The following CEP85 variants were observed in gnomAD, a reference collection of about 807,000 sequenced individuals.
CEP85 encodes centrosomal protein of 85 kDa.
Under a neutral mutation model 93.7 loss-of-function variants are expected in CEP85, and 58 were observed. The observed-to-expected ratio is 0.62, with a 90% CI of 0.50 to 0.77. CEP85 has a LOEUF of 0.77. Ranked by LOEUF, CEP85 falls within the 30% of genes least tolerant of loss-of-function variation. CEP85 has a pLI of 0.00. For missense variants in CEP85, 868 were observed against 922.0 expected (o/e 0.94, Z 0.76); for synonymous variants, 314 against 338.6 (o/e 0.93, Z 0.80).
At chr1:26,241,284 C>T (rs571340621) in intron 2 of CEP85, among the ~76,000 whole-genome samples, 1 of 130,570 alleles carries the variant, frequency 7.7e-6, no homozygotes, top group East Asian at 2.1e-4. Flanking sequence ...GCTCTGTCAC[C>T]CAGGCTAGAG....
intron 12 of CEP85, among the ~76,000 whole-genome samples, chr1:26,275,696 C>G (rs572565714): frequency 3.9e-5 from 6 of 152,286 alleles, no homozygotes; most frequent in African/African-American, 1.4e-4. Flanking sequence ...CCTTCATGCA[C>G]TAAACAGAGC....
chr1:26,256,005 G>T (rs894695022), intron 4 of CEP85, 140 bp downstream of exon 4: 3 of 741,650 alleles, frequency 4.0e-6, no homozygotes. Context: ...ATACAGGCTT[G>T]TGAGCTGTTG....
intron 7 of CEP85, among the ~76,000 whole-genome samples, chr1:26,261,895 G>C (rs1306332754): frequency 1.3e-5 from 2 of 152,104 alleles, no homozygotes; most frequent in African/African-American, 2.4e-5. Context: ...TACTGGCCAG[G>C]CATGGTGGCT....
Position 26,258,448 on chromosome 1 carries a change from A to G in CEP85, c.1155+188A>G, listed in dbSNP as rs2089754970. Among the ~76,000 whole-genome samples the G allele has an allele frequency of 3.3e-5, 5 of 152,164 alleles. No homozygotes were observed. The South Asian group carries it at 1.0e-3, about 32-fold the overall frequency. On this transcript the variant is annotated intron_variant, in intron 6 of 13. Coordinates refer to ENST00000451429, the MANE Select transcript of CEP85 (RefSeq NM_001319944.2). ...CTTGTGGGAGCAGAAAAGGCTAAGA[A>G]CCAGGTGAAAGTCCAGATGCCTGGG... is the stretch of plus-strand genomic sequence containing the variant.
chr1:26,238,549 T>TA (rs2089368234), intron 1 of CEP85, among the ~76,000 whole-genome samples: 1 of 152,200 alleles, frequency 6.6e-6, no homozygotes, highest in African/African-American at 2.4e-5. Flanking sequence ...TCTGAGTTGA[T>TA]ACTCCTTGAT....
chr1:26,241,328 C>T lies in CEP85; in HGVS notation c.55+1490C>T, dbSNP rs550791388. ...CGTGATCTCGGCTCACTACAAGCTCCGCTTCCCGGGTTCATGCCATTCTCC... is the reference window on the plus strand; with the variant it reads ...CGTGATCTCGGCTCACTACAAGCTCTGCTTCCCGGGTTCATGCCATTCTCC... On this transcript the variant is annotated intron_variant, in intron 2 of 13. Transcript: ENST00000451429. 4.0e-4 allele frequency among the ~76,000 whole-genome samples: 60 copies of T among 148,868 alleles called. 1 individual carries two copies. Among genetic ancestry groups the T allele is most frequent in the Middle Eastern group, 7.4e-3 (2 of 272 alleles).
rs374815195 is a variant in CEP85, at chr1:26,255,744, C to T, written c.782C>T (p.Pro261Leu). The T allele has an allele frequency of 5.6e-6, 9 of 1,614,214 alleles. No homozygotes were observed. Among genetic ancestry groups the T allele is most frequent in the Non-Finnish European group, 7.6e-6 (9 of 1,180,042 alleles). Residue 261 changes from proline (P) to leucine (L), a missense_variant, in exon 4 of 14, where the codon CCT becomes CTT. Pro to Leu is a moderately conservative substitution (Grantham distance 98). Transcript: ENST00000451429. ...GLQPAPGLSK[P>L]LPSQVWQPSP... is the part of the protein sequence containing the mutation. ...CAGCCTGCTCCCGGGCTCTCCAAGCCTCTGCCCTCTCAGGTGTGGCAGCCG... is the reference window on the plus strand; with the variant it reads ...CAGCCTGCTCCCGGGCTCTCCAAGCTTCTGCCCTCTCAGGTGTGGCAGCCG...
chr1:26,255,942 T>G (rs1471557401), intron 4 of CEP85, 77 bp downstream of exon 4: 41 of 1,332,986 alleles, frequency 3.1e-5, no homozygotes, highest in Non-Finnish European at 4.1e-5. Context: ...TCCTTTGAAT[T>G]TTGGCTTAAA....
At chr1:26,273,354 A>G (rs1469608655) in intron 11 of CEP85, among the ~76,000 whole-genome samples, 1 of 152,202 alleles carries the variant, frequency 6.6e-6, no homozygotes, top group African/African-American at 2.4e-5. Flanking sequence ...TGGAGGCTGC[A>G]GTCTTGCCTT....
intron 3 of CEP85, among the ~76,000 whole-genome samples, chr1:26,250,188 G>A (rs538298768): frequency 1.1e-4 from 16 of 152,316 alleles, no homozygotes; most frequent in African/African-American, 3.6e-4. Context: ...CTCCTGGCCC[G>A]TGGACCAGTA....
At chr1:26,253,429 G>A (rs553965172) in intron 3 of CEP85, among the ~76,000 whole-genome samples, 10 of 138,888 alleles carry the variant, frequency 7.2e-5, no homozygotes, top group South Asian at 4.5e-4. Context: ...TCACTCTGTC[G>A]CCCAGGCTGG....
intron 3 of CEP85, among the ~76,000 whole-genome samples, chr1:26,253,470 A>G (rs1356053816): frequency 6.7e-6 from 1 of 148,306 alleles, no homozygotes. Flanking sequence ...GCTCATTGCA[A>G]CCTCCACCTC....
chr1:26,239,509 G>T (rs1260188715), intron 1 of CEP85, among the ~76,000 whole-genome samples: 1 of 152,068 alleles, frequency 6.6e-6, no homozygotes, highest in Non-Finnish European at 1.5e-5. Flanking sequence ...GTGCCACCAT[G>T]CCCGGCCAAT....
At chr1:26,258,881 C>T (rs1258804742) in intron 6 of CEP85, among the ~76,000 whole-genome samples, 1 of 152,144 alleles carries the variant, frequency 6.6e-6, no homozygotes, top group Non-Finnish European at 1.5e-5. Context: ...AGGCGGGAGT[C>T]ACTGCACCCG....
chr1:26,252,413 TC>T (rs1362573099), intron 3 of CEP85, among the ~76,000 whole-genome samples: 2 of 151,120 alleles, frequency 1.3e-5, no homozygotes, highest in Admixed American at 6.6e-5. Flanking sequence ...ATGCCTTTAA[TC>T]CCAGCTACTT....
chr1:26,239,991 T>G (rs1284261584), intron 2 of CEP85, among the ~76,000 whole-genome samples, 153 bp downstream of exon 2: 1 of 152,108 alleles, frequency 6.6e-6, no homozygotes, highest in Non-Finnish European at 1.5e-5. Flanking sequence ...TAAAAACAGG[T>G]CTCTGAGGGA....
At chr1:26,246,395 T>G (rs2089509072) in intron 3 of CEP85, among the ~76,000 whole-genome samples, 1 of 152,160 alleles carries the variant, frequency 6.6e-6, no homozygotes, top group African/African-American at 2.4e-5. Context: ...AGTAGAATAT[T>G]ATTCAGCAAT....
At position 26,248,722 on chromosome 1, in the gene CEP85, C is replaced by CTTTTTTTTTTTTTTTTT. The variant is rs573449499; in HGVS notation, c.208+4410_208+4426dup. Among the ~76,000 whole-genome samples the CTTTTTTTTTTTTTTTTT allele has an allele frequency of 3.9e-4, 22 of 56,210 alleles. 4 individuals are homozygous for CTTTTTTTTTTTTTTTTT. The highest frequency in any genetic ancestry group is 1.4e-3 in the African/African-American group (17 of 12,380). 36.9% of individuals were successfully genotyped at this position (56,210 alleles called of 152,430 possible). On this transcript the variant is annotated intron_variant, in intron 3 of 13. Transcript: ENST00000451429. ...TGTTGGCCAGTCTGGGTCTTGAACT[C>CTTTTTTTTTTTTTTTTT]TTTTTTTTTTTTTTTTTTTTTTGAG...
Position 26,239,816 on chromosome 1 carries a change from G to T in CEP85, c.33G>T (p.Gly11=). The T allele has an allele frequency of 1.2e-6, 2 of 1,613,828 alleles. No homozygotes were observed. Among genetic ancestry groups the T allele is most frequent in the Non-Finnish European group, 1.7e-6 (2 of 1,179,742 alleles). Residue 11 remains glycine (G), a synonymous_variant, in exon 2 of 14, where the codon GGG becomes GGT. Transcript: ENST00000451429. MAMQEKYPTE[G]ISHVTSPSSD... ...TGCAGGAGAAATATCCAACTGAGGG[G>T]ATCTCTCACGTCACTTCACCGAGTG...
Sources: gnomAD v4.1 joint callset for allele counts (sites outside exome capture counted in the v4.1 genomes callset) on GRCh38, gnomAD v4.1.1 for gene constraint, MANE v1.5 for transcripts, NCBI Gene and HGNC (gene_info 2026-07-23, HGNC 2026-07-21) for gene names.